CLSTN2: variants seen among roughly 807,000 people sequenced by gnomAD.
CLSTN2 encodes calsyntenin-2.
In CLSTN2, 48 loss-of-function variants were observed where a neutral mutation model predicts 101.2. The observed-to-expected ratio is 0.47, with a 90% CI of 0.38 to 0.60. The LOEUF is 0.60. Among genes scored for constraint, CLSTN2 ranks in the 20% least tolerant of loss-of-function variants. CLSTN2 has a pLI of 0.00. For missense variants in CLSTN2, 1,160 were observed against 1,238.2 expected (o/e 0.94, Z 0.95); for synonymous variants, 481 against 463.6 (o/e 1.04, Z -0.48).
chr3:140,559,760 T>C (rs1446778983), intron 12 of CLSTN2, among the ~76,000 whole-genome samples: 2 of 152,178 alleles, frequency 1.3e-5, no homozygotes, highest in Non-Finnish European at 2.9e-5. Context: ...CCTCTGGTCC[T>C]AAGTCCCTGA....
At chr3:140,542,804 AG>A (rs1439899697) in intron 9 of CLSTN2, among the ~76,000 whole-genome samples, 1 of 152,202 alleles carries the variant, frequency 6.6e-6, no homozygotes, top group Non-Finnish European at 1.5e-5. Context: ...TTGGCCTTTG[AG>A]GCTAAAGCTG....
At chr3:140,489,258 T>C (rs954040832) in intron 8 of CLSTN2, among the ~76,000 whole-genome samples, 1 of 152,198 alleles carries the variant, frequency 6.6e-6, no homozygotes, top group South Asian at 2.1e-4. Context: ...GTTTCAATTA[T>C]TGGCCTGGGT....
chr3:140,501,699 C>T (rs1246870388), intron 8 of CLSTN2, among the ~76,000 whole-genome samples: 3 of 152,238 alleles, frequency 2.0e-5, no homozygotes, highest in Non-Finnish European at 4.4e-5. Flanking sequence ...AATCCTTACA[C>T]AGACACTCTA....
intron 1 of CLSTN2, among the ~76,000 whole-genome samples, chr3:140,082,729 T>C (rs1376264721): frequency 6.6e-6 from 1 of 152,198 alleles, no homozygotes; most frequent in Non-Finnish European, 1.5e-5. Flanking sequence ...TCAAGTCTTT[T>C]AGCTCAATCC....
At chr3:140,221,235 A>G (rs2086269734) in intron 2 of CLSTN2, among the ~76,000 whole-genome samples, 1 of 152,192 alleles carries the variant, frequency 6.6e-6, no homozygotes, top group Admixed American at 6.5e-5. Context: ...TGAAAACAGA[A>G]AGTGTTTTTC....
At chr3:140,375,140 A>T (rs1166568837) in intron 2 of CLSTN2, among the ~76,000 whole-genome samples, 1 of 152,108 alleles carries the variant, frequency 6.6e-6, no homozygotes, top group African/African-American at 2.4e-5. Context: ...GATGTAGCTG[A>T]GGGGAAGTGT....
chr3:140,267,815 T>C (rs372368076), intron 2 of CLSTN2, among the ~76,000 whole-genome samples: 2 of 152,258 alleles, frequency 1.3e-5, no homozygotes, highest in South Asian at 4.1e-4. Flanking sequence ...AGGTGGGAAC[T>C]GTGGTATGGC....
At chr3:140,089,580 T>TTTTATTTATTTA (rs71627875) in intron 1 of CLSTN2, among the ~76,000 whole-genome samples, 4 of 146,040 alleles carry the variant, frequency 2.7e-5, no homozygotes, top group South Asian at 2.2e-4. Flanking sequence ...TTTCAGCTGG[T>TTTTATTTATTTA]TTTATTTATT....
chr3:140,155,113 A>T (rs943448961), intron 1 of CLSTN2, among the ~76,000 whole-genome samples: 2 of 152,146 alleles, frequency 1.3e-5, no homozygotes, highest in African/African-American at 4.8e-5. Context: ...AATTGCCAGG[A>T]CCTGCTTCCT....
At chr3:140,334,070 A>T (rs1205149893) in intron 2 of CLSTN2, among the ~76,000 whole-genome samples, 1 of 152,204 alleles carries the variant, frequency 6.6e-6, no homozygotes, top group East Asian at 1.9e-4. Context: ...TTAGCCTTCC[A>T]TGCGACCTTG....
intron 8 of CLSTN2, among the ~76,000 whole-genome samples, chr3:140,521,643 G>C (rs1935027632): frequency 6.6e-6 from 1 of 152,220 alleles, no homozygotes; most frequent in Non-Finnish European, 1.5e-5. Flanking sequence ...GCTGATTTTT[G>C]GTAGTGCAGC....
intron 8 of CLSTN2, among the ~76,000 whole-genome samples, chr3:140,521,717 A>G (rs759451255): frequency 3.9e-5 from 6 of 152,234 alleles, no homozygotes; most frequent in African/African-American, 7.2e-5. Context: ...CCAGCAGGCT[A>G]TAACAGCTGA....
At chr3:140,260,849 GAGA>G (rs946965338) in intron 2 of CLSTN2, among the ~76,000 whole-genome samples, 2 of 152,062 alleles carry the variant, frequency 1.3e-5, no homozygotes, top group African/African-American at 4.8e-5. Context: ...TGACAGTTTT[GAGA>G]AGTTTTGCTC....
rs768465788 is a variant in CLSTN2, at chr3:140,562,950, C to G, written c.2352C>G (p.Asn784Lys). The G allele has an allele frequency of 6.2e-7, 1 of 1,614,118 alleles. No homozygotes were observed. The highest frequency in any genetic ancestry group is 8.5e-7 in the Non-Finnish European group (1 of 1,179,984). Reference sequence around the variant, plus strand: ...GGCGCTACACTAGCAATGAGTTCAACTTGGAGGTGAGTGGGTCCTGCCATT... The same window carrying G: ...GGCGCTACACTAGCAATGAGTTCAAGTTGGAGGTGAGTGGGTCCTGCCATT... The part of the protein sequence containing the change: ...LNGRYTSNEF[N>K]LEVSILHEDQ... Residue 784 changes from asparagine (N) to lysine (K), a missense_variant, in exon 14 of 17, where the codon AAC becomes AAG. Coordinates refer to ENST00000458420, the MANE Select transcript of CLSTN2 (RefSeq NM_022131.3).
chr3:140,031,872 T>C (rs2007557771), intron 1 of CLSTN2, among the ~76,000 whole-genome samples: 1 of 152,230 alleles, frequency 6.6e-6, no homozygotes, highest in Admixed American at 6.5e-5. Flanking sequence ...CCAGTGTCCT[T>C]CAGCCACTGC....
chr3:140,482,263 T>C (rs1934133958), intron 8 of CLSTN2, among the ~76,000 whole-genome samples: 1 of 152,344 alleles, frequency 6.6e-6, no homozygotes. Flanking sequence ...ATGATTTTCG[T>C]ATGTTGATCC....
rs746362038 is a variant in CLSTN2 at position 140,566,058 on chromosome 3, T to G, written c.2673T>G (p.His891Gln). 8.7e-6 allele frequency: 14 copies of G among 1,613,872 alleles called. No homozygotes were observed. In the East Asian group the frequency reaches 3.1e-4, roughly 36 times the overall value. ...TTTTTCTCCTTGATATCCAGAAACA[T>G]GAAGGACCAGGGCATGGGGAAGATG... ...LTITVNPMEKHEGPGHGEDET... is the reference protein window; with the variant it reads ...LTITVNPMEKQEGPGHGEDET... Residue 891 changes from histidine to glutamine, a missense_variant, in exon 17 of 17, where the codon CAT becomes CAG. Physicochemically the swap from His to Gln is conservative, Grantham distance 24. Transcript: ENST00000458420.
At chr3:140,331,433 A>G (rs1411214204) in intron 2 of CLSTN2, among the ~76,000 whole-genome samples, 1 of 152,154 alleles carries the variant, frequency 6.6e-6, no homozygotes, top group Non-Finnish European at 1.5e-5. Flanking sequence ...CCATCTAGGC[A>G]TCCCCTCAAT....
intron 2 of CLSTN2, among the ~76,000 whole-genome samples, chr3:140,234,535 TCA>T (rs2086399562): frequency 6.6e-6 from 1 of 152,216 alleles, no homozygotes; most frequent in African/African-American, 2.4e-5. Flanking sequence ...CAAGCTCTTA[TCA>T]CAGTGTTTGG....
Sources: allele counts gnomAD v4.1 joint callset (sites outside exome capture counted in the v4.1 genomes callset), GRCh38; gene constraint gnomAD v4.1.1; transcripts MANE v1.5; gene names NCBI Gene and HGNC (gene_info 2026-07-23, HGNC 2026-07-21).